The following PARVB variants were observed in gnomAD, a reference collection of about 807,000 sequenced individuals.
PARVB encodes the protein parvin beta.
Under a neutral mutation model 47.0 loss-of-function variants are expected in PARVB, and 46 were observed. The ratio of observed to expected loss-of-function variants is 0.98; its 90% CI spans 0.77 to 1.25. PARVB has a LOEUF of 1.25. Ranked by LOEUF, PARVB falls within the 50% of genes most tolerant of loss-of-function variation. The pLI is 0.00. For synonymous variants in PARVB, 196 were observed against 196.3 expected, an observed-to-expected ratio of 1.00 and a Z score of 0.01; for missense variants, 473 against 471.6, an observed-to-expected ratio of 1.00 and a Z score of -0.03.
chr22:44,080,764 C>T (rs941818447), intron 1 of PARVB, among the ~76,000 whole-genome samples: 2 of 152,176 alleles, frequency 1.3e-5, no homozygotes, highest in Non-Finnish European at 2.9e-5. Context: ...ATGGTAGAGT[C>T]CCGAAACCCT....
chr22:44,132,317 G>T (rs1189791293), intron 5 of PARVB, among the ~76,000 whole-genome samples: 1 of 152,220 alleles, frequency 6.6e-6, no homozygotes, highest in Non-Finnish European at 1.5e-5. Context: ...GGGTCCGTGG[G>T]TGGGGAATCG....
intron 1 of PARVB, among the ~76,000 whole-genome samples, chr22:44,057,089 CTCTT>C (rs1413844616): frequency 6.6e-6 from 1 of 151,536 alleles, no homozygotes; most frequent in South Asian, 2.1e-4. Context: ...TTCTCTCTCT[CTCTT>C]TTTTTTTTGT....
chr22:44,069,728 C>T (rs1470658265), intron 1 of PARVB, among the ~76,000 whole-genome samples: 1 of 151,718 alleles, frequency 6.6e-6, no homozygotes. Flanking sequence ...GGGGTTTCAT[C>T]ATGTTGGCCA....
intron 6 of PARVB, among the ~76,000 whole-genome samples, chr22:44,135,594 G>A (rs2053426255): frequency 6.6e-6 from 1 of 152,184 alleles, no homozygotes; most frequent in Admixed American, 6.5e-5. Flanking sequence ...TCTGGGAGAA[G>A]TGTGACATAT....
intron 3 of PARVB, among the ~76,000 whole-genome samples, chr22:44,101,862 C>T (rs1310932558): frequency 6.6e-6 from 1 of 152,040 alleles, no homozygotes; most frequent in Non-Finnish European, 1.5e-5. Context: ...TCTGAATACC[C>T]ACTTTGTTAT....
rs944488124 is a variant in PARVB, at chr22:44,068,633, C to T, written c.113-25295C>T. Among the ~76,000 whole-genome samples, 8 of 152,214 alleles carry T rather than the reference C, an allele frequency of 5.3e-5. No homozygotes were observed. The highest frequency in any genetic ancestry group is 7.2e-5 in the African/African-American group (3 of 41,460). Reference sequence around the variant, plus strand: ...TGGTCCTCCTGACGTAGTCGGCACACGGGAGATGCAGCTGGGGTGGCACGT... The same window carrying T: ...TGGTCCTCCTGACGTAGTCGGCACATGGGAGATGCAGCTGGGGTGGCACGT... On this transcript the variant is annotated intron_variant, in intron 1 of 12. Coordinates refer to ENST00000338758, the MANE Select transcript of PARVB (RefSeq NM_013327.5). This position sits in a 1 kb window ranked among gnomAD's most constrained non-coding sequence, Gnocchi z 4.1.
Position 44,165,869 on chromosome 22 carries a change from T to A in PARVB, c.1018+1939T>A, listed in dbSNP as rs1484477263. On this transcript the variant is annotated intron_variant, in intron 12 of 12. Coordinates refer to ENST00000338758, the MANE Select transcript of PARVB (RefSeq NM_013327.5). ...GGTCCTGCCCACAGAACACACCAGG[T>A]CCCTGCTGATGGTGGCTGCTAGCTC... Among the ~76,000 whole-genome samples the A allele has an allele frequency of 3.9e-5, 6 of 152,122 alleles. No individual in the cohort carries two copies. The South Asian group carries it at 6.2e-4, about 16-fold the overall frequency.
In PARVB at chr22:44,119,109, G is replaced by A. The variant is rs2052981362; in HGVS notation, c.345G>A (p.Leu115=). ...TTGTGAAGCAGCTGGAGGAAGACCT[G>A]TATGACGGCCAGGTGCTGCAGAAGC... ...RIIVKQLEED[L]YDGQVLQKLL... is the part of the protein sequence containing the mutation. The change falls in exon 4 of 13, where the codon CTG becomes CTA. Residue 115 remains leucine, a synonymous_variant. Transcript: ENST00000338758. 9 of 1,614,002 alleles carry A rather than the reference G, an allele frequency of 5.6e-6. No individual in the cohort carries two copies. The highest frequency in any genetic ancestry group is 1.3e-5 in the African/African-American group (1 of 75,068).
chr22:44,091,995 C>T (rs1467344016), intron 1 of PARVB, among the ~76,000 whole-genome samples: 1 of 152,164 alleles, frequency 6.6e-6, no homozygotes, highest in Admixed American at 6.5e-5. Context: ...AGTCCCATCA[C>T]GTGCCATGCT....
In PARVB at chr22:44,080,551, C is replaced by T. The variant is rs145999367; in HGVS notation, c.113-13377C>T. Reference sequence around the variant, plus strand: ...CCTGTCAATCACATTGGGCCCCCTGCATAATCCAGGCTAATCTCCCACCCC... The same window carrying T: ...CCTGTCAATCACATTGGGCCCCCTGTATAATCCAGGCTAATCTCCCACCCC... On this transcript the variant is annotated intron_variant, in intron 1 of 12. Transcript: ENST00000338758. Among the ~76,000 whole-genome samples, 471 of 152,302 alleles carry T rather than the reference C, an allele frequency of 3.1e-3. 8 individuals carry two copies. Among genetic ancestry groups the T allele is most frequent in the Admixed American group, 0.023 (359 of 15,296 alleles).
In PARVB at chr22:44,162,541, G is replaced by A. The variant is rs189164208; in HGVS notation, c.946-1317G>A. ...TTCACCCATTGGTCAGGCTGGTCTC[G>A]AATGCCTGACTTCAACTGATCCACC... On this transcript the variant is annotated intron_variant, in intron 11 of 12. Transcript: ENST00000338758. Among the ~76,000 whole-genome samples the A allele has an allele frequency of 7.7e-4, 117 of 152,230 alleles. No individual in the cohort carries two copies. In the East Asian group the frequency reaches 0.017, roughly 22 times the overall value.
chr22:44,042,137 C>T (rs1459781246), intron 1 of PARVB, among the ~76,000 whole-genome samples: 1 of 151,802 alleles, frequency 6.6e-6, no homozygotes, highest in Non-Finnish European at 1.5e-5. Flanking sequence ...TTAAGAAAAT[C>T]TAGGCTGGGC....
chr22:44,039,946 C>T (rs1292061273), intron 1 of PARVB: 10 of 441,918 alleles, frequency 2.3e-5, no homozygotes, highest in South Asian at 4.8e-5. Flanking sequence ...TCCCAAGGAG[C>T]GAGGACCACA....
At chr22:44,087,981 C>A (rs1176898589) in intron 1 of PARVB, among the ~76,000 whole-genome samples, 1 of 151,610 alleles carries the variant, frequency 6.6e-6, no homozygotes, top group Admixed American at 6.6e-5. Flanking sequence ...TGCATGCTGG[C>A]GACTGTGCCG....
rs2052951093 is a variant in PARVB, at chr22:44,118,039, T to G, written c.274-999T>G. Among the ~76,000 whole-genome samples the G allele has an allele frequency of 2.6e-5, 4 of 152,112 alleles. No homozygotes were observed. The South Asian group carries it at 8.3e-4, about 32-fold the overall frequency. On this transcript the variant is annotated intron_variant, in intron 3 of 12. Transcript: ENST00000338758. ...GGTGAACTGAATGGAAAATCTCTTG[T>G]GAAAAGGCTTAAGAGGAAGGCTGGC...
In PARVB at chr22:44,151,605, T is replaced by C. The variant is rs1417719131; in HGVS notation, c.843+54T>C. On this transcript the variant is annotated intron_variant, in intron 10 of 12. Coordinates refer to ENST00000338758, the MANE Select transcript of PARVB (RefSeq NM_013327.5). ...TTTGTCCACCGCCATTTTCAGTCAG[T>C]GTTTTGATCCCAGGTGGGGCGCGTG... 2.3e-5 allele frequency: 32 copies of C among 1,396,636 alleles called. No individual in the cohort carries two copies. The Admixed American group carries it at 4.4e-4, about 19-fold the overall frequency. 86.5% of individuals were successfully genotyped at this position (1,396,636 alleles called of 1,614,324 possible).
chr22:44,132,950 C>A lies in PARVB; in HGVS notation c.574C>A (p.His192Asn), dbSNP rs575240566. 4 of 1,614,094 alleles carry A rather than the reference C, an allele frequency of 2.5e-6. No homozygotes were observed. The highest frequency in any genetic ancestry group is 1.6e-4 in the Middle Eastern group (1 of 6,062). ...CCACCTGCTGGTCTCTCTGGCCATG[C>A]ACTTCAGGGCCCCCATCCGCCTTCC... ...ILHLLVSLAM[H>N]FRAPIRLPEH... is the part of the protein sequence containing the mutation. The change falls in exon 6 of 13, where the codon CAC becomes AAC. Residue 192 changes from histidine to asparagine, a missense_variant. By Grantham distance (68) the His-to-Asn change is moderately conservative (BLOSUM62 1). Coordinates refer to ENST00000338758, the MANE Select transcript of PARVB (RefSeq NM_013327.5).
At chr22:44,008,125 G>A (rs967829061) in intron 2 of PARVB, among the ~76,000 whole-genome samples, 1 of 152,060 alleles carries the variant, frequency 6.6e-6, no homozygotes, top group African/African-American at 2.4e-5. Flanking sequence ...TTTTGAGACA[G>A]AGTCTTGCTC....
chr22:44,164,409 T>TCCC (rs139083), intron 12 of PARVB, among the ~76,000 whole-genome samples: 37,945 of 140,634 alleles, frequency 0.27, 5,099 homozygotes, highest in South Asian at 0.42. Flanking sequence ...TGCTTCCCTG[T>TCCC]CCCCCCCCCG....
Sources: gnomAD v4.1 joint callset for allele counts (sites outside exome capture counted in the v4.1 genomes callset) on GRCh38, gnomAD v4.1.1 for gene constraint, Gnocchi (gnomAD v3.1) non-coding constraint, MANE v1.5 for transcripts, NCBI Gene and HGNC (gene_info 2026-07-23, HGNC 2026-07-21) for gene names.